Variants in EYA1 observed in about 807,000 individuals in gnomAD.
EYA1 encodes EYA transcriptional coactivator and phosphatase 1.
In EYA1, 16 loss-of-function variants were observed where a neutral mutation model predicts 82.0. That is an observed-to-expected ratio of 0.20 (90% CI 0.13 to 0.30). The LOEUF (loss-of-function observed/expected upper bound fraction) is 0.30. Among genes scored for constraint, EYA1 ranks in the 10% least tolerant of loss-of-function variants. EYA1 has a pLI of 1.00. For missense variants in EYA1, 633 were observed against 730.7 expected (o/e 0.87, Z 1.54); for synonymous variants, 261 against 264.4 (o/e 0.99, Z 0.12).
Position 71,473,029 on chromosome 8 carries a change from A to T in EYA1, c.33+62715T>A, listed in dbSNP as rs184548102. Among the ~76,000 whole-genome samples, 558 of 151,998 alleles carry T rather than the reference A, an allele frequency of 3.7e-3. 3 individuals carry two copies. Among genetic ancestry groups the T allele is most frequent in the Middle Eastern group, 3.4e-3 (1 of 294 alleles). On this transcript the variant is annotated intron_variant, in intron 2 of 18. Coordinates refer to the EYA1 transcript ENST00000643681. ...CTCAATGTGTTATGACTTAGATAAA[A>T]ATGAGTCCAAATAATGTCCAACTCT...
chr8:71,230,232 C>T (rs1378671640), intron 12 of EYA1, among the ~76,000 whole-genome samples: 1 of 152,100 alleles, frequency 6.6e-6, no homozygotes, highest in Non-Finnish European at 1.5e-5. Context: ...AGCAAACTTC[C>T]TATGAAGGTA....
intron 9 of EYA1, among the ~76,000 whole-genome samples, chr8:71,274,352 T>C (rs16937545): frequency 0.031 from 4,738 of 152,268 alleles, 241 homozygotes; most frequent in African/African-American, 0.11. Context: ...TAACCAGCTT[T>C]CCAGACTCTA....
intron 2 of EYA1, among the ~76,000 whole-genome samples, chr8:71,480,483 T>G (rs1203301452): frequency 1.3e-5 from 2 of 152,242 alleles, no homozygotes; most frequent in East Asian, 3.9e-4. Context: ...TCTTAAAGCA[T>G]TTCAACAAAA....
chr8:71,330,358 C>T (rs1173149643), intron 4 of EYA1, among the ~76,000 whole-genome samples: 1 of 152,140 alleles, frequency 6.6e-6, no homozygotes, highest in Non-Finnish European at 1.5e-5. Context: ...CTATTGCTGT[C>T]CCATCAGGGG....
At chr8:71,436,659 G>A (rs187682102) in intron 2 of EYA1, among the ~76,000 whole-genome samples, 1 of 152,254 alleles carries the variant, frequency 6.6e-6, no homozygotes, top group Admixed American at 6.5e-5. Flanking sequence ...AGTTCAGAGA[G>A]ATTTTCTAAA....
chr8:71,280,722 AG>A (rs1455402790), intron 9 of EYA1, among the ~76,000 whole-genome samples: 2 of 152,182 alleles, frequency 1.3e-5, no homozygotes, highest in Non-Finnish European at 2.9e-5. Flanking sequence ...TTCCGATAAA[AG>A]GAGAACAATG....
At chr8:71,427,835 T>C (rs1449929072) in intron 2 of EYA1, among the ~76,000 whole-genome samples, 1 of 151,912 alleles carries the variant, frequency 6.6e-6, no homozygotes, top group Non-Finnish European at 1.5e-5. Context: ...TCTTGGGCAA[T>C]ATAGCAAAAA....
rs765515427 is a variant in EYA1 at position 71,199,192 on chromosome 8, C to T, written c.*148G>A. ...AATAGACGTGGTCCTCCATTCACCA[C>T]AAAGGCAGAGGTCAAGACTGACAGC... On this transcript the variant is annotated 3_prime_UTR_variant, in exon 18 of 18. Coordinates refer to ENST00000340726, the MANE Select transcript of EYA1 (RefSeq NM_000503.6). 2 of 695,410 alleles carry T rather than the reference C, an allele frequency of 2.9e-6. No homozygotes were observed. Among genetic ancestry groups the T allele is most frequent in the Non-Finnish European group, 2.6e-6 (1 of 382,316 alleles). The allele number at this position is 695,410 out of a possible 1,614,324, so 43.1% of individuals were successfully genotyped here.
At chr8:71,258,981 T>C (rs1326671801) in intron 11 of EYA1, among the ~76,000 whole-genome samples, 1 of 152,154 alleles carries the variant, frequency 6.6e-6, no homozygotes, top group Non-Finnish European at 1.5e-5. Context: ...CAAAGTTGCT[T>C]AGTGACCCCA....
chr8:71,285,330 A>C (rs1586179189), intron 9 of EYA1, among the ~76,000 whole-genome samples: 1 of 152,134 alleles, frequency 6.6e-6, no homozygotes, highest in Middle Eastern at 3.4e-3. Context: ...GAAAAACACT[A>C]AATGAGAAAC....
At chr8:71,512,458 C>T (rs1812675319) in intron 2 of EYA1, among the ~76,000 whole-genome samples, 1 of 150,688 alleles carries the variant, frequency 6.6e-6, no homozygotes, top group African/African-American at 2.4e-5. Flanking sequence ...AGCGAGCAAG[C>T]AAAGCTCTAG....
intron 17 of EYA1, among the ~76,000 whole-genome samples, chr8:71,203,785 T>C (rs1807381397): frequency 6.6e-6 from 1 of 152,196 alleles, no homozygotes; most frequent in African/African-American, 2.4e-5. Context: ...AAGATGTTTC[T>C]GGCTGGTAGC....
intron 3 of EYA1, among the ~76,000 whole-genome samples, chr8:71,337,928 G>A (rs984781738): frequency 1.3e-5 from 2 of 152,098 alleles, no homozygotes; most frequent in Admixed American, 6.5e-5. Context: ...TGTATGCCTC[G>A]GCTTCCTCAT....
At chr8:71,358,915 G>T (rs992063464) in intron 1 of EYA1, among the ~76,000 whole-genome samples, 1 of 152,104 alleles carries the variant, frequency 6.6e-6, no homozygotes, top group Admixed American at 6.5e-5. Context: ...GAGGCATTCA[G>T]TAAGTTCACA....
At chr8:71,332,795 C>T (rs769335846) in intron 4 of EYA1, among the ~76,000 whole-genome samples, 3 of 152,164 alleles carry the variant, frequency 2.0e-5, no homozygotes, top group Non-Finnish European at 4.4e-5. Context: ...CCCTTGCTCT[C>T]ATACTGTACA....
At chr8:71,503,964 A>G (rs922762023) in intron 2 of EYA1, among the ~76,000 whole-genome samples, 5 of 152,164 alleles carry the variant, frequency 3.3e-5, no homozygotes, top group African/African-American at 9.7e-5. Context: ...GGTGGTCCCA[A>G]TATCAGCTAC....
chr8:71,545,763 C>T (rs1007844244), intron 1 of EYA1, among the ~76,000 whole-genome samples: 4 of 151,786 alleles, frequency 2.6e-5, no homozygotes, highest in Non-Finnish European at 4.4e-5. Context: ...GGGTTTCACC[C>T]GTTAGCCAGG....
At chr8:71,496,645 C>A (rs1386038017) in intron 2 of EYA1, among the ~76,000 whole-genome samples, 3 of 152,032 alleles carry the variant, frequency 2.0e-5, no homozygotes, top group Admixed American at 2.0e-4. Flanking sequence ...TGTGAACTAA[C>A]CTCTGGAACA....
intron 1 of EYA1, among the ~76,000 whole-genome samples, chr8:71,546,066 T>G (rs1229078434): frequency 6.6e-6 from 1 of 152,162 alleles, no homozygotes; most frequent in African/African-American, 2.4e-5. Flanking sequence ...TCTCTCCTGC[T>G]CACCTGCAGC....
Sources: gnomAD v4.1 joint callset for allele counts (sites outside exome capture counted in the v4.1 genomes callset) on GRCh38, gnomAD v4.1.1 for gene constraint, MANE v1.5 for transcripts, NCBI Gene and HGNC (gene_info 2026-07-23, HGNC 2026-07-21) for gene names.